MYO16: variants seen among roughly 807,000 people sequenced by gnomAD.
MYO16 encodes unconventional myosin-XVI.
Under a neutral mutation model 205.3 loss-of-function variants are expected in MYO16, and 94 were observed. That is an observed-to-expected ratio of 0.46 (90% CI 0.39 to 0.54). MYO16 has a LOEUF of 0.54. Among genes scored for constraint, MYO16 ranks in the 20% least tolerant of loss-of-function variants. The pLI is 0.00. For synonymous variants in MYO16, 988 were observed against 954.0 expected (o/e 1.04, Z -0.66); for missense variants, 2,315 against 2,387.5 (o/e 0.97, Z 0.63).
chr13:108,728,985 C>CTTT (rs138750767), intron 4 of MYO16, among the ~76,000 whole-genome samples: 1 of 144,608 alleles, frequency 6.9e-6, no homozygotes, highest in Non-Finnish European at 1.5e-5. Context: ...TGTACACTTT[C>CTTT]TTTTTTTTTT....
rs1451169875 is a variant in MYO16, at chr13:109,133,781, TA to T, written c.4051+6233del. On this transcript the variant is annotated intron_variant, in intron 31 of 34. Transcript: ENST00000457511. ...ACTCTTGATGTAAATTCATTTTTAA[TA>T]ACCCTCTAACCAGTATTTGCAAATG... Among the ~76,000 whole-genome samples the T allele has an allele frequency of 8.5e-5, 13 of 152,340 alleles. No individual in the cohort carries two copies. In the South Asian group the frequency reaches 2.1e-3, roughly 24 times the overall value.
chr13:108,964,231 C>G (rs1883702122), intron 19 of MYO16, among the ~76,000 whole-genome samples: 1 of 152,200 alleles, frequency 6.6e-6, no homozygotes, highest in Non-Finnish European at 1.5e-5. Flanking sequence ...CTATTCTAGT[C>G]CCTTCCCCAA....
chr13:109,052,254 T>G, intron 24 of MYO16, 46 bp from the exon 25 acceptor site: 1 of 1,511,956 alleles, frequency 6.6e-7, no homozygotes, highest in East Asian at 2.3e-5. Context: ...AATGCTTAAG[T>G]AATAATTTTA....
intron 27 of MYO16, among the ~76,000 whole-genome samples, chr13:109,097,512 C>T (rs577546203): frequency 6.6e-6 from 1 of 152,220 alleles, no homozygotes; most frequent in South Asian, 2.1e-4. Flanking sequence ...TGCAGAAACC[C>T]CAATAAAAAT....
chr13:108,543,216 T>A, the MYO16 span, among the ~76,000 whole-genome samples: 1 of 152,198 alleles, frequency 6.6e-6, no homozygotes, highest in Non-Finnish European at 1.5e-5. Context: ...GAAAAAGAGA[T>A]ATTTCCAAGT....
intron 6 of MYO16, among the ~76,000 whole-genome samples, chr13:108,794,294 C>A (rs187517162): frequency 6.6e-6 from 1 of 152,252 alleles, no homozygotes; most frequent in East Asian, 1.9e-4. Context: ...ACCCATGTAA[C>A]AACATACACC....
intron 4 of MYO16, among the ~76,000 whole-genome samples, chr13:108,773,012 G>T (rs1886017651): frequency 6.6e-6 from 1 of 152,128 alleles, no homozygotes; most frequent in Non-Finnish European, 1.5e-5. Flanking sequence ...AAGATCAAGT[G>T]CCAGATTTGA....
chr13:109,199,587 T>C (rs2139967524), intron 34 of MYO16, among the ~76,000 whole-genome samples: 1 of 152,278 alleles, frequency 6.6e-6, no homozygotes, highest in Non-Finnish European at 1.5e-5. Flanking sequence ...GAGCTTTAAG[T>C]TAAAAGATAC....
chr13:108,688,204 T>A (rs1035738082), intron 2 of MYO16, among the ~76,000 whole-genome samples: 2 of 151,906 alleles, frequency 1.3e-5, no homozygotes, highest in African/African-American at 4.8e-5. Flanking sequence ...AGCCTTGTAA[T>A]TTTTTTCCCC....
rs370181238 is a variant in MYO16 at position 108,691,443 on chromosome 13, A to C, written c.293-21218A>C. ...GAGAGAGAGATAGAGAGAGAGAAAT[A>C]TTAAGAGGAGAAAGAGAGAGAGAAA... is the stretch of plus-strand genomic sequence containing the variant. On this transcript the variant is annotated intron_variant, in intron 2 of 34. Transcript: ENST00000457511. Among the ~76,000 whole-genome samples the C allele has an allele frequency of 4.6e-5, 7 of 152,154 alleles. No homozygotes were observed. The East Asian group carries it at 7.7e-4, about 17-fold the overall frequency.
chr13:108,956,218 C>G (rs1224947729), intron 16 of MYO16, among the ~76,000 whole-genome samples: 1 of 152,128 alleles, frequency 6.6e-6, no homozygotes, highest in South Asian at 2.1e-4. Context: ...CGCAATCCAC[C>G]CTGTTTTCCC....
At chr13:108,853,959 T>G (rs113165622) in intron 10 of MYO16, among the ~76,000 whole-genome samples, 44 of 108,286 alleles carry the variant, frequency 4.1e-4, no homozygotes, top group African/African-American at 2.0e-3. Context: ...TATTATTGTG[T>G]GTGTGTGTGT....
intron 20 of MYO16, among the ~76,000 whole-genome samples, chr13:108,972,247 CTCTA>C (rs1442943397): frequency 8.2e-4 from 5 of 6,062 alleles, no homozygotes; most frequent in Non-Finnish European, 1.7e-3. Context: ...CTCTCTCTCT[CTCTA>C]TATATATATA....
chr13:108,724,119 G>A (rs1341138303), intron 3 of MYO16, among the ~76,000 whole-genome samples: 3 of 152,056 alleles, frequency 2.0e-5, no homozygotes, highest in African/African-American at 4.8e-5. Flanking sequence ...CTTACCACTA[G>A]CATATAGAAA....
chr13:109,205,929 C>G (rs1479440872), intron 34 of MYO16, among the ~76,000 whole-genome samples: 1 of 152,324 alleles, frequency 6.6e-6, no homozygotes, highest in Non-Finnish European at 1.5e-5. Context: ...ATAGAGCAGG[C>G]AGGTAGATAC....
intron 27 of MYO16, among the ~76,000 whole-genome samples, chr13:109,058,154 C>T (rs377227871): frequency 6.6e-6 from 1 of 152,064 alleles, no homozygotes; most frequent in African/African-American, 2.4e-5. Context: ...GCCATGTGAA[C>T]GGCACTTTGA....
intron 4 of MYO16, among the ~76,000 whole-genome samples, chr13:108,782,030 A>C (rs1218594835): frequency 6.6e-6 from 1 of 152,190 alleles, no homozygotes; most frequent in Non-Finnish European, 1.5e-5. Context: ...AATTGGTACC[A>C]GTAGAGTGGG....
chr13:108,759,747 G>A (rs1325230530), intron 4 of MYO16, among the ~76,000 whole-genome samples: 3 of 151,554 alleles, frequency 2.0e-5, no homozygotes, highest in Non-Finnish European at 4.4e-5. Context: ...CGTGAACCCA[G>A]GAGGCGGAGT....
intron 1 of MYO16, among the ~76,000 whole-genome samples, chr13:108,615,117 G>A (rs1455562214): frequency 6.6e-6 from 1 of 151,780 alleles, no homozygotes; most frequent in African/African-American, 2.4e-5. Flanking sequence ...ACAATAAAAA[G>A]ACAACCCAAT....
Sources: allele counts gnomAD v4.1 joint callset (sites outside exome capture counted in the v4.1 genomes callset), GRCh38; gene constraint gnomAD v4.1.1; transcripts MANE v1.5; gene names NCBI Gene and HGNC (gene_info 2026-07-23, HGNC 2026-07-21).